The following MSI2 variants were observed in gnomAD, a reference collection of about 807,000 sequenced individuals.
MSI2 encodes the protein RNA-binding protein Musashi homolog 2.
In MSI2, 17 loss-of-function variants were observed where a neutral mutation model predicts 45.6. The ratio of observed to expected loss-of-function variants is 0.37; its 90% CI spans 0.26 to 0.56. The LOEUF is 0.56. Among genes scored for constraint, MSI2 ranks in the 20% least tolerant of loss-of-function variants. The pLI is 0.77. For synonymous variants in MSI2, 156 were observed against 158.2 expected, an observed-to-expected ratio of 0.99 and a Z score of 0.11; for missense variants, 293 against 444.2, an observed-to-expected ratio of 0.66 and a Z score of 3.06.
chr17:57,507,223 C>CTGTGTGTGTG (rs1436640773), intron 6 of MSI2, among the ~76,000 whole-genome samples: 16 of 109,880 alleles, frequency 1.5e-4, no homozygotes, highest in South Asian at 1.0e-3. Context: ...GTCTTTGTCT[C>CTGTGTGTGTG]TCTGTGTGTG....
chr17:57,515,273 G>A (rs1020947536), intron 6 of MSI2, among the ~76,000 whole-genome samples: 14 of 152,240 alleles, frequency 9.2e-5, no homozygotes, highest in Admixed American at 3.9e-4. Flanking sequence ...GCATGATCTC[G>A]GCTCGCCGCA....
At chr17:57,282,157 G>A (rs916326380) in intron 5 of MSI2, among the ~76,000 whole-genome samples, 1 of 152,016 alleles carries the variant, frequency 6.6e-6, no homozygotes, top group Admixed American at 6.6e-5. Context: ...TTGGGGTGAC[G>A]GGTTCATTTC....
At chr17:57,472,549 G>T (rs908415641) in intron 6 of MSI2, among the ~76,000 whole-genome samples, 1 of 152,190 alleles carries the variant, frequency 6.6e-6, no homozygotes, top group Non-Finnish European at 1.5e-5. Context: ...TTCCTTTGGG[G>T]CCAACCCCAT....
At chr17:57,319,666 G>T (rs1167861796) in intron 5 of MSI2, among the ~76,000 whole-genome samples, 1 of 152,224 alleles carries the variant, frequency 6.6e-6, no homozygotes. Context: ...AGGCTGGAGT[G>T]CAGAGACACG....
intron 9 of MSI2, among the ~76,000 whole-genome samples, chr17:57,620,397 A>G (rs1908178146): frequency 6.6e-6 from 1 of 152,214 alleles, no homozygotes; most frequent in South Asian, 2.1e-4. Context: ...CTATTAATTA[A>G]ACCGCATAAT....
rs375256404 is a variant in MSI2 at position 57,468,865 on chromosome 17, CT to C, written c.406-60810del. On this transcript the variant is annotated intron_variant, in intron 6 of 13. Transcript: ENST00000284073. ...TAGGGGGCCCGAGAGGAGTCATTAG[CT>C]GACCTCTCTCTCCTTGAGACAGAAT... Among the ~76,000 whole-genome samples the C allele has an allele frequency of 1.7e-3, 265 of 152,286 alleles. 4 individuals carry two copies. The highest frequency in any genetic ancestry group is 6.2e-3 in the African/African-American group (259 of 41,550).
At chr17:57,262,124 C>T in intron 4 of MSI2, 27 bp from the exon 5 acceptor site, 4 of 1,613,068 alleles carry the variant, frequency 2.5e-6, no homozygotes, top group Non-Finnish European at 3.4e-6. Flanking sequence ...ACTTTATTGA[C>T]TCCTGCTTTT....
chr17:57,305,783 G>C (rs1190301867), intron 5 of MSI2, among the ~76,000 whole-genome samples: 2 of 152,146 alleles, frequency 1.3e-5, no homozygotes, highest in Admixed American at 6.5e-5. Context: ...CATTGAGTTG[G>C]CTTTCCCTTT....
In MSI2 at chr17:57,495,532, CAAAA is replaced by C. The variant is rs56325646; in HGVS notation, c.406-34127_406-34124del. 4.1e-5 allele frequency among the ~76,000 whole-genome samples: 3 copies of C among 72,620 alleles called. 1 individual carries two copies. The highest frequency in any genetic ancestry group is 9.2e-4 in the East Asian group (2 of 2,170). The allele number at this position is 72,620 out of a possible 152,430, so 47.6% of individuals were successfully genotyped here. ...TGGGTGACAGAGCGAGACTCTGTCT[CAAAA>C]AAAAAAAAAAAAAAAAGAAAGCTTT... On this transcript the variant is annotated intron_variant, in intron 6 of 13. Coordinates refer to ENST00000284073, the MANE Select transcript of MSI2 (RefSeq NM_138962.4).
chr17:57,314,612 G>A (rs1313040975), intron 5 of MSI2, among the ~76,000 whole-genome samples: 4 of 117,722 alleles, frequency 3.4e-5, no homozygotes, highest in Non-Finnish European at 4.8e-5. Flanking sequence ...TTGCTCTGTT[G>A]CCAGGCTGGA....
rs2086779455 is a variant in MSI2 at position 57,529,601 on chromosome 17, C to T, written c.406-75C>T. 5.1e-6 allele frequency: 7 copies of T among 1,379,826 alleles called. No individual in the cohort carries two copies. The highest frequency in any genetic ancestry group is 1.2e-5 in the South Asian group (1 of 83,930). 85.5% of individuals were successfully genotyped at this position (1,379,826 alleles called of 1,614,324 possible). ...TGTAATGGAAACTACCCCCTCACCCCCCGACATGCATATAATGTTTTGTGT... is the reference window on the plus strand; with the variant it reads ...TGTAATGGAAACTACCCCCTCACCCTCCGACATGCATATAATGTTTTGTGT... On this transcript the variant is annotated intron_variant, in intron 6 of 13. Transcript: ENST00000284073. This position sits in a 1 kb window ranked among gnomAD's most constrained non-coding sequence, Gnocchi z 5.3.
Position 57,507,225 on chromosome 17 carries a change from CTGTGTGTGTGTGTGTGTGTG to C in MSI2, c.406-22415_406-22396del, listed in dbSNP as rs71140002. Among the ~76,000 whole-genome samples, 255 of 51,246 alleles carry C rather than the reference CTGTGTGTGTGTGTGTGTGTG, an allele frequency of 5.0e-3. 12 individuals are homozygous for C. The highest frequency in any genetic ancestry group is 7.5e-3 in the African/African-American group (176 of 23,624). The allele number at this position is 51,246 out of a possible 152,430, so 33.6% of individuals were successfully genotyped here. A position where few individuals can be genotyped will look rare whatever the true frequency, so the allele number is the denominator to read the frequency against. On this transcript the variant is annotated intron_variant, in intron 6 of 13. Transcript: ENST00000284073. ...CCCATTGGTTTTTGTCTTTGTCTCT[CTGTGTGTGTGTGTGTGTGTG>C]TGTGTGTGTGTGTGTGTGTGTGTGT...
intron 6 of MSI2, among the ~76,000 whole-genome samples, chr17:57,503,027 G>A (rs1460903101): frequency 6.6e-6 from 1 of 151,956 alleles, no homozygotes; most frequent in Non-Finnish European, 1.5e-5. Context: ...TTAGAATCTT[G>A]TTCCTATTAC....
chr17:57,373,832 T>C (rs931168364), intron 5 of MSI2, among the ~76,000 whole-genome samples: 18 of 152,198 alleles, frequency 1.2e-4, no homozygotes, highest in African/African-American at 4.1e-4. Context: ...CAGAATAACC[T>C]AACACCTCCC....
At chr17:57,461,533 A>ATTT (rs34312371) in intron 6 of MSI2, among the ~76,000 whole-genome samples, 2 of 136,166 alleles carry the variant, frequency 1.5e-5, no homozygotes, top group African/African-American at 5.5e-5. Flanking sequence ...CAACTCTTGG[A>ATTT]TTTTTTTTTT....
intron 5 of MSI2, chr17:57,278,119 G>C (rs1258241582): frequency 1.3e-5 from 2 of 152,300 alleles, no homozygotes; most frequent in Non-Finnish European, 2.9e-5. Context: ...GATCTCTCGA[G>C]CCAAGGAGGT....
chr17:57,389,283 C>T (rs2083743688), intron 5 of MSI2, among the ~76,000 whole-genome samples: 1 of 152,154 alleles, frequency 6.6e-6, no homozygotes, highest in African/African-American at 2.4e-5. Flanking sequence ...GAGCCCCCTG[C>T]TCTTCTTTTT....
At chr17:57,595,838 A>C (rs182803653) in intron 7 of MSI2, among the ~76,000 whole-genome samples, 17 of 152,304 alleles carry the variant, frequency 1.1e-4, no homozygotes, top group African/African-American at 4.1e-4. Context: ...GTCCAGTTCT[A>C]CCACCTTCAT....
At chr17:57,567,610 G>T (rs1252513077) in intron 7 of MSI2, among the ~76,000 whole-genome samples, 5 of 152,228 alleles carry the variant, frequency 3.3e-5, no homozygotes, top group Non-Finnish European at 5.9e-5. Context: ...GTCTCTCTCT[G>T]CAGTGGGCTG....
Sources: allele counts gnomAD v4.1 joint callset (sites outside exome capture counted in the v4.1 genomes callset), GRCh38; gene constraint gnomAD v4.1.1; non-coding constraint Gnocchi (gnomAD v3.1); transcripts MANE v1.5; gene names NCBI Gene and HGNC (gene_info 2026-07-23, HGNC 2026-07-21).